The following CTNNA2 variants were observed in gnomAD, a reference collection of about 807,000 sequenced individuals.
The protein encoded by CTNNA2 is catenin alpha-2.
CTNNA2 carries 42 observed loss-of-function variants against 101.0 expected under a neutral mutation model. The observed-to-expected ratio is 0.42, with a 90% CI of 0.32 to 0.54. The LOEUF (loss-of-function observed/expected upper bound fraction) is 0.54. Among genes scored for constraint, CTNNA2 ranks in the 20% least tolerant of loss-of-function variants. CTNNA2 has a pLI of 0.14. For missense variants in CTNNA2, 871 were observed against 1,223.1 expected (o/e 0.71, Z 4.29); for synonymous variants, 450 against 456.4 (o/e 0.99, Z 0.18).
intron 18 of CTNNA2, among the ~76,000 whole-genome samples, chr2:80,622,942 G>A (rs754698969): frequency 2.0e-5 from 3 of 149,290 alleles, no homozygotes; most frequent in Admixed American, 6.8e-5. Context: ...TCTAGAATTT[G>A]TTTTCTCAGG....
At chr2:79,279,137 C>A (rs1573018319) in intron 2 of CTNNA2, among the ~76,000 whole-genome samples, 1 of 152,200 alleles carries the variant, frequency 6.6e-6, no homozygotes, top group East Asian at 1.9e-4. Flanking sequence ...CTCTTACTTT[C>A]AGCTTTTATT....
At chr2:80,380,859 T>G (rs1676452509) in intron 7 of CTNNA2, among the ~76,000 whole-genome samples, 1 of 152,114 alleles carries the variant, frequency 6.6e-6, no homozygotes, top group African/African-American at 2.4e-5. Context: ...TTGTAATTCT[T>G]TACAAATTAA....
intron 1 of CTNNA2, among the ~76,000 whole-genome samples, chr2:79,644,482 C>T (rs1680668656): frequency 1.3e-5 from 2 of 152,174 alleles, no homozygotes; most frequent in Admixed American, 6.5e-5. Context: ...AAGATATTTA[C>T]AAGCATAACA....
At chr2:79,557,177 C>T (rs1674498056) in intron 1 of CTNNA2, among the ~76,000 whole-genome samples, 1 of 151,960 alleles carries the variant, frequency 6.6e-6, no homozygotes, top group African/African-American at 2.4e-5. Flanking sequence ...CTCAATAGCC[C>T]TCAATACATA....
intron 2 of CTNNA2, among the ~76,000 whole-genome samples, chr2:79,273,258 A>G (rs1421538095): frequency 6.6e-6 from 1 of 152,104 alleles, no homozygotes; most frequent in Non-Finnish European, 1.5e-5. Flanking sequence ...CATTATTATC[A>G]TCTCCAGTTT....
chr2:80,479,484 A>G (rs1250819572), intron 9 of CTNNA2, among the ~76,000 whole-genome samples: 1 of 152,114 alleles, frequency 6.6e-6, no homozygotes, highest in Non-Finnish European at 1.5e-5. Flanking sequence ...AGTTAAAGGA[A>G]TGGGATGTAT....
intron 2 of CTNNA2, among the ~76,000 whole-genome samples, chr2:79,200,350 C>T (rs1302969539): frequency 6.7e-6 from 1 of 150,136 alleles, no homozygotes; most frequent in Non-Finnish European, 1.5e-5. Flanking sequence ...CGCCACTGCA[C>T]TGCAGCCTGG....
chr2:80,406,592 C>T (rs868213651), intron 8 of CTNNA2, among the ~76,000 whole-genome samples: 1 of 151,952 alleles, frequency 6.6e-6, no homozygotes, highest in African/African-American at 2.4e-5. Context: ...TTTGGGAGGC[C>T]GAGGCAGGCG....
chr2:79,352,767 G>C (rs1465619742), intron 3 of CTNNA2, among the ~76,000 whole-genome samples: 1 of 152,032 alleles, frequency 6.6e-6, no homozygotes, highest in Non-Finnish European at 1.5e-5. Flanking sequence ...TGCTGTATTA[G>C]TCCATTCTCA....
chr2:80,536,293 C>T (rs1021121862), intron 9 of CTNNA2, among the ~76,000 whole-genome samples: 1 of 152,190 alleles, frequency 6.6e-6, no homozygotes, highest in African/African-American at 2.4e-5. Context: ...TGCCACCATC[C>T]TCTCTGTGGT....
At chr2:79,863,885 G>T (rs1681827112) in intron 4 of CTNNA2, among the ~76,000 whole-genome samples, 1 of 152,138 alleles carries the variant, frequency 6.6e-6, no homozygotes, top group Admixed American at 6.5e-5. Flanking sequence ...GCTGTTCATG[G>T]AGGGGTGTCT....
In CTNNA2 at chr2:79,256,379, G is replaced by A. The variant is rs149161671; in HGVS notation, c.-405-56330G>A. Among the ~76,000 whole-genome samples the A allele has an allele frequency of 4.5e-3, 688 of 152,204 alleles. 6 individuals are homozygous for A. The highest frequency in any genetic ancestry group is 0.016 in the African/African-American group (658 of 41,516). On this transcript the variant is annotated intron_variant, in intron 2 of 21. Transcript: ENST00000466387. ...TAACTCAGCCCCTCCTCCAGCTCAG[G>A]GGCTGTCCATCATTTATGTTTGAAT...
intron 9 of CTNNA2, among the ~76,000 whole-genome samples, chr2:80,444,341 C>A (rs1682881513): frequency 6.6e-6 from 1 of 152,248 alleles, no homozygotes; most frequent in East Asian, 1.9e-4. Flanking sequence ...AATATTAGAA[C>A]AATGGTGGGA....
At chr2:80,032,534 C>T (rs749468255) in intron 7 of CTNNA2, among the ~76,000 whole-genome samples, 2 of 152,244 alleles carry the variant, frequency 1.3e-5, no homozygotes, top group African/African-American at 2.4e-5. Flanking sequence ...AACACACACA[C>T]ACACTCAAAA....
At chr2:80,591,478 T>TTTTTTTTTTTTTTTTTTC (rs1696503521) in intron 15 of CTNNA2, among the ~76,000 whole-genome samples, 1 of 135,046 alleles carries the variant, frequency 7.4e-6, no homozygotes, top group Non-Finnish European at 1.6e-5. Context: ...TTTTTTTTTT[T>TTTTTTTTTTTTTTTTTTC]GCAAACAGAC....
At chr2:80,549,388 G>A (rs549000481) in intron 11 of CTNNA2, among the ~76,000 whole-genome samples, 2 of 151,780 alleles carry the variant, frequency 1.3e-5, no homozygotes, top group Admixed American at 6.6e-5. Context: ...AAAATTCACC[G>A]TGAACTTTAT....
intron 7 of CTNNA2, among the ~76,000 whole-genome samples, chr2:80,158,024 G>A (rs527629055): frequency 7.0e-4 from 107 of 152,264 alleles, no homozygotes; most frequent in African/African-American, 2.4e-3. Flanking sequence ...ATGAGATTTT[G>A]AATATGAAAC....
intron 7 of CTNNA2, among the ~76,000 whole-genome samples, chr2:80,211,037 T>A (rs988585791): frequency 6.6e-6 from 1 of 152,228 alleles, no homozygotes. Context: ...TCTGTTCATA[T>A]CCTTTGCCCA....
At chr2:79,421,499 A>G (rs1678540084) in intron 4 of CTNNA2, among the ~76,000 whole-genome samples, 1 of 152,186 alleles carries the variant, frequency 6.6e-6, no homozygotes, top group African/African-American at 2.4e-5. Flanking sequence ...TGGACAAGTT[A>G]AACCATGAGT....
Sources: gnomAD v4.1 joint callset for allele counts (sites outside exome capture counted in the v4.1 genomes callset) on GRCh38, gnomAD v4.1.1 for gene constraint, MANE v1.5 for transcripts, NCBI Gene and HGNC (gene_info 2026-07-23, HGNC 2026-07-21) for gene names.